The following C1orf21 variants were observed in gnomAD, a reference collection of about 807,000 sequenced individuals.
C1orf21 encodes the protein uncharacterized protein C1orf21.
Under a neutral mutation model 18.7 loss-of-function variants are expected in C1orf21, and 3 were observed. The observed-to-expected ratio is 0.16, with a 90% CI of 0.07 to 0.42. The LOEUF (loss-of-function observed/expected upper bound fraction) is 0.42. Among genes scored for constraint, C1orf21 ranks in the 10% least tolerant of loss-of-function variants. The pLI is 0.99. For synonymous variants in C1orf21, 41 were observed against 46.4 expected, an observed-to-expected ratio of 0.88 and a Z score of 0.47; for missense variants, 104 against 143.6, an observed-to-expected ratio of 0.72 and a Z score of 1.41.
intron 3 of C1orf21, among the ~76,000 whole-genome samples, chr1:184,511,549 T>A (rs1658143342): frequency 2.6e-5 from 4 of 152,138 alleles, no homozygotes; most frequent in Admixed American, 2.6e-4. Context: ...TTCAGAATAT[T>A]TTTGTTGGTT....
chr1:184,492,215 C>T (rs924285388), intron 2 of C1orf21, among the ~76,000 whole-genome samples: 1 of 152,196 alleles, frequency 6.6e-6, no homozygotes, highest in African/African-American at 2.4e-5. Context: ...GCCTGCAGAA[C>T]CTGGTTACAT....
chr1:184,549,116 A>G (rs1286022126), intron 3 of C1orf21, among the ~76,000 whole-genome samples: 1 of 152,192 alleles, frequency 6.6e-6, no homozygotes, highest in Admixed American at 6.5e-5. Context: ...ACATGGCACA[A>G]AAAAGCTAAA....
In C1orf21 at chr1:184,557,240, G is replaced by A. The variant is rs146919349; in HGVS notation, c.190-33499G>A. 3.5e-4 allele frequency among the ~76,000 whole-genome samples: 54 copies of A among 152,222 alleles called. 1 individual carries two copies. In the East Asian group the frequency reaches 0.01, roughly 29 times the overall value. On this transcript the variant is annotated intron_variant, in intron 3 of 5. Coordinates refer to ENST00000235307, the MANE Select transcript of C1orf21 (RefSeq NM_030806.4). The stretch of plus-strand genomic sequence containing the variant: ...CCTGAGAAGCTCAATTTGTGTGTAT[G>A]TGTGTTTTTTTCTTTTTTTTAATTC...
intron 5 of C1orf21, among the ~76,000 whole-genome samples, chr1:184,616,109 C>T: frequency 6.6e-6 from 1 of 152,212 alleles, no homozygotes; most frequent in East Asian, 1.9e-4. Context: ...CTGGTAATCA[C>T]CATTCTCAGG....
At chr1:184,406,694 C>T (rs1037537393) in intron 1 of C1orf21, among the ~76,000 whole-genome samples, 2 of 152,166 alleles carry the variant, frequency 1.3e-5, no homozygotes, top group Non-Finnish European at 2.9e-5. Flanking sequence ...GCATGTGTAT[C>T]TAAGGGTAAG....
At chr1:184,433,234 CA>C (rs567734410) in intron 1 of C1orf21, among the ~76,000 whole-genome samples, 202 of 151,896 alleles carry the variant, frequency 1.3e-3, no homozygotes, top group African/African-American at 4.7e-3. Flanking sequence ...AAACCCTAGC[CA>C]TGGAAAATCC....
At chr1:184,417,800 T>C (rs1306128358) in intron 1 of C1orf21, among the ~76,000 whole-genome samples, 1 of 152,218 alleles carries the variant, frequency 6.6e-6, no homozygotes, top group Non-Finnish European at 1.5e-5. Flanking sequence ...AGCAAATGTT[T>C]TCTTATGCTG....
rs151086695 is a variant in C1orf21 at position 184,514,397 on chromosome 1, G to A, written c.189+6715G>A. Among the ~76,000 whole-genome samples, 390 of 152,250 alleles carry A rather than the reference G, an allele frequency of 2.6e-3. 3 individuals are homozygous for A. The highest frequency in any genetic ancestry group is 8.8e-3 in the African/African-American group (367 of 41,568). On this transcript the variant is annotated intron_variant, in intron 3 of 5. Coordinates refer to ENST00000235307, the MANE Select transcript of C1orf21 (RefSeq NM_030806.4). ...AACTCACTAGATTGTTTAATTACCA[G>A]TTTGGATGGTGTTGCCTAATAGGAC... is the stretch of plus-strand genomic sequence containing the variant.
At chr1:184,403,582 A>G (rs1656198144) in intron 1 of C1orf21, among the ~76,000 whole-genome samples, 2 of 152,228 alleles carry the variant, frequency 1.3e-5, no homozygotes, top group Non-Finnish European at 2.9e-5. Context: ...GCTTTTATAC[A>G]TTAAATTATA....
chr1:184,475,298 C>T (rs949524812), intron 1 of C1orf21, among the ~76,000 whole-genome samples: 2 of 152,148 alleles, frequency 1.3e-5, no homozygotes, highest in African/African-American at 4.8e-5. Flanking sequence ...AGGCCTTCTG[C>T]AGGCCCTTCA....
At chr1:184,534,642 A>G (rs1002933550) in intron 3 of C1orf21, among the ~76,000 whole-genome samples, 4 of 152,126 alleles carry the variant, frequency 2.6e-5, no homozygotes, top group Non-Finnish European at 5.9e-5. Flanking sequence ...CAGCAAGCAT[A>G]TATTGAACAT....
In C1orf21 at chr1:184,536,125, G is replaced by A. The variant is rs564818689; in HGVS notation, c.189+28443G>A. On this transcript the variant is annotated intron_variant, in intron 3 of 5. Transcript: ENST00000235307. ...TCATTGTAATATACAGTTTACAGAG[G>A]GGATGGCTGTATGACCCTGGGCATG... Among the ~76,000 whole-genome samples the A allele has an allele frequency of 3.9e-5, 6 of 152,258 alleles. No individual in the cohort carries two copies. The South Asian group carries it at 1.2e-3, about 32-fold the overall frequency.
chr1:184,556,746 G>C (rs1658884736), intron 3 of C1orf21, among the ~76,000 whole-genome samples: 1 of 152,090 alleles, frequency 6.6e-6, no homozygotes. Context: ...CAAGCCTAGG[G>C]AAAAACACAT....
intron 3 of C1orf21, among the ~76,000 whole-genome samples, chr1:184,516,376 C>G (rs908477807): frequency 3.9e-5 from 6 of 152,174 alleles, no homozygotes; most frequent in Non-Finnish European, 7.3e-5. Flanking sequence ...GACTACATCC[C>G]CCGCACCTAT....
chr1:184,512,120 G>A (rs984617464), intron 3 of C1orf21, among the ~76,000 whole-genome samples: 1 of 152,190 alleles, frequency 6.6e-6, no homozygotes, highest in African/African-American at 2.4e-5. Flanking sequence ...GTGCCCACAG[G>A]AGGCTTTGGT....
At chr1:184,612,191 C>T (rs1223841053) in intron 5 of C1orf21, among the ~76,000 whole-genome samples, 9 of 152,180 alleles carry the variant, frequency 5.9e-5, no homozygotes, top group Non-Finnish European at 1.0e-4. Flanking sequence ...TTCAGGTGAT[C>T]CTTCAGCTAG....
intron 1 of C1orf21, among the ~76,000 whole-genome samples, chr1:184,415,278 A>T (rs1416546620): frequency 6.6e-6 from 1 of 152,240 alleles, no homozygotes; most frequent in African/African-American, 2.4e-5. Flanking sequence ...GGAATGTGAC[A>T]GTAAAAAATC....
At chr1:184,415,581 A>C (rs1310990444) in intron 1 of C1orf21, among the ~76,000 whole-genome samples, 5 of 152,172 alleles carry the variant, frequency 3.3e-5, no homozygotes, top group Non-Finnish European at 7.4e-5. Flanking sequence ...TCATTAAATC[A>C]ATTTAGTAGA....
intron 3 of C1orf21, among the ~76,000 whole-genome samples, chr1:184,549,291 C>T (rs556295600): frequency 2.0e-5 from 3 of 152,250 alleles, no homozygotes; most frequent in Admixed American, 2.0e-4. Flanking sequence ...CTTCTTCTTC[C>T]TCTGGTTACA....
Sources: allele counts gnomAD v4.1 joint callset (sites outside exome capture counted in the v4.1 genomes callset), GRCh38; gene constraint gnomAD v4.1.1; transcripts MANE v1.5; gene names NCBI Gene and HGNC (gene_info 2026-07-23, HGNC 2026-07-21).